The following CLMN variants were observed in gnomAD, a reference collection of about 807,000 sequenced individuals.
CLMN encodes the protein calmin, also known as calmin (calponin-like, transmembrane).
A neutral mutation model predicts 92.7 loss-of-function variants in CLMN; 57 were observed. That is an observed-to-expected ratio of 0.61 (90% CI 0.50 to 0.77). CLMN has a LOEUF of 0.77. CLMN is among the 30% of genes least tolerant of loss of function. The pLI is 0.00. For synonymous variants in CLMN, 466 were observed against 470.6 expected (o/e 0.99, Z 0.13); for missense variants, 1,158 against 1,237.5 (o/e 0.94, Z 0.96).
intron 1 of CLMN, among the ~76,000 whole-genome samples, chr14:95,319,231 C>T (rs971527954): frequency 1.3e-5 from 2 of 152,056 alleles, no homozygotes; most frequent in Non-Finnish European, 2.9e-5. Context: ...CCGCTTTCCC[C>T]AACTCACCCC....
intron 8 of CLMN, among the ~76,000 whole-genome samples, chr14:95,205,395 G>C (rs35034544): frequency 0.11 from 16,871 of 152,196 alleles, 1,479 homozygotes; most frequent in African/African-American, 0.23. Flanking sequence ...GAATTCACAA[G>C]CAAAGGCTCT....
Position 95,188,097 on chromosome 14 carries a change from G to A in CLMN, c.*3467C>T, listed in dbSNP as rs1321866433. The A allele has an allele frequency of 6.6e-6, 1 of 152,212 alleles. No homozygotes were observed. The highest frequency in any genetic ancestry group is 2.4e-5 in the African/African-American group (1 of 41,460). 9.4% of individuals were successfully genotyped at this position (152,212 alleles called of 1,614,324 possible). On this transcript the variant is annotated 3_prime_UTR_variant, in exon 13 of 13. Transcript: ENST00000298912. ...GACAGGCAGTGTTCTCCAATGATGA[G>A]TCCAGGTGCCCACCTGGTGACCCTA... is the stretch of plus-strand genomic sequence containing the variant.
At chr14:95,214,042 A>G (rs1027092656) in intron 5 of CLMN, among the ~76,000 whole-genome samples, 3 of 151,784 alleles carry the variant, frequency 2.0e-5, no homozygotes, top group African/African-American at 7.3e-5. Flanking sequence ...AGTTTTCCTT[A>G]CTGCACTCCC....
At chr14:95,233,979 G>A (rs1272663886) in intron 1 of CLMN, among the ~76,000 whole-genome samples, 1 of 152,208 alleles carries the variant, frequency 6.6e-6, no homozygotes, top group Non-Finnish European at 1.5e-5. Context: ...GTCCCAAACT[G>A]AAGCAGAGTG....
intron 1 of CLMN, among the ~76,000 whole-genome samples, chr14:95,231,895 T>G (rs1166858193): frequency 6.6e-6 from 1 of 152,250 alleles, no homozygotes; most frequent in African/African-American, 2.4e-5. Flanking sequence ...TTACATGGAT[T>G]AACTAATTTA....
At chr14:95,260,018 TC>T (rs1229234671) in intron 1 of CLMN, among the ~76,000 whole-genome samples, 1 of 152,184 alleles carries the variant, frequency 6.6e-6, no homozygotes, top group Non-Finnish European at 1.5e-5. Context: ...GGGTGGCACT[TC>T]CTTTCCACTC....
At chr14:95,264,337 T>C (rs530682548) in intron 1 of CLMN, among the ~76,000 whole-genome samples, 2 of 152,220 alleles carry the variant, frequency 1.3e-5, no homozygotes, top group South Asian at 2.1e-4. Flanking sequence ...GCCGGACCCC[T>C]GCATCTTATT....
rs759135132 is a variant in CLMN at position 95,203,143 on chromosome 14, G to A, written c.2206C>T (p.Leu736=). Residue 736 remains leucine, a synonymous_variant, in exon 9 of 13, where the codon CTG becomes TTG. Coordinates refer to ENST00000298912, the MANE Select transcript of CLMN (RefSeq NM_024734.4). ...ACATAAGCCTCCAAAACTGCAGCCAGGGGAACCTCATAGTGTGGGAAATAG... is the reference window on the plus strand; with the variant it reads ...ACATAAGCCTCCAAAACTGCAGCCAAGGGAACCTCATAGTGTGGGAAATAG... ...LFYFPHYEVP[L]AAVLEAYVED... The A allele has an allele frequency of 6.2e-7, 1 of 1,612,770 alleles. No individual in the cohort carries two copies. The highest frequency in any genetic ancestry group is 1.7e-5 in the Admixed American group (1 of 60,030).
Position 95,194,575 on chromosome 14 carries a change from G to A in CLMN, c.2730C>T (p.Ser910=), listed in dbSNP as rs1448895109. 6.2e-7 allele frequency: 1 copy of A among 1,614,200 alleles called. No homozygotes were observed. The highest frequency in any genetic ancestry group is 1.3e-5 in the African/African-American group (1 of 75,052). ...TATGAGTATGTCGTCGAAGGTAAATGCTGGAGTCACTGTGACTAGTCCTGA... is the reference window on the plus strand; with the variant it reads ...TATGAGTATGTCGTCGAAGGTAAATACTGGAGTCACTGTGACTAGTCCTGA... The part of the protein sequence containing the change: ...IPSRTSHSDS[S]IYLRRHTHRS... Residue 910 remains serine, a synonymous_variant, in exon 11 of 13, where the codon AGC becomes AGT. Coordinates refer to ENST00000298912, the MANE Select transcript of CLMN (RefSeq NM_024734.4). This position sits in a 1 kb window ranked among gnomAD's most constrained non-coding sequence, Gnocchi z 4.0.
chr14:95,246,656 G>A (rs543469656), intron 1 of CLMN, among the ~76,000 whole-genome samples: 3 of 152,160 alleles, frequency 2.0e-5, no homozygotes, highest in South Asian at 4.2e-4. Context: ...TTTGGTAGAG[G>A]TGGGGTTTCA....
chr14:95,222,176 C>G (rs963527125), intron 3 of CLMN, among the ~76,000 whole-genome samples: 1 of 152,184 alleles, frequency 6.6e-6, no homozygotes, highest in Non-Finnish European at 1.5e-5. Context: ...TTTGTTAGGA[C>G]AGGGAGCACT....
In CLMN at chr14:95,256,590, G is replaced by A. The variant is rs960367137; in HGVS notation, c.83-26457C>T. Among the ~76,000 whole-genome samples the A allele has an allele frequency of 5.3e-5, 8 of 152,240 alleles. No homozygotes were observed. Among genetic ancestry groups the A allele is most frequent in the African/African-American group, 1.7e-4 (7 of 41,528 alleles). On this transcript the variant is annotated intron_variant, in intron 1 of 12. Coordinates refer to ENST00000298912, the MANE Select transcript of CLMN (RefSeq NM_024734.4). This position sits in a 1 kb window ranked among gnomAD's most constrained non-coding sequence, Gnocchi z 4.9. ...GAGTGTGGCTCTGCACAACCGCCTC[G>A]TCAATACCCATCCCACGTGGAACTG... is the stretch of plus-strand genomic sequence containing the variant.
intron 1 of CLMN, among the ~76,000 whole-genome samples, chr14:95,301,981 T>C (rs1746099681): frequency 6.6e-6 from 1 of 152,170 alleles, no homozygotes; most frequent in African/African-American, 2.4e-5. Context: ...CTCATTCAGT[T>C]GGGCCACCAC....
intron 1 of CLMN, among the ~76,000 whole-genome samples, chr14:95,307,223 G>T (rs1420246815): frequency 1.3e-5 from 2 of 152,154 alleles, no homozygotes; most frequent in South Asian, 2.1e-4. Flanking sequence ...ATCCAACTCT[G>T]CCAAACCCAG....
At chr14:95,233,825 G>C (rs1022660554) in intron 1 of CLMN, among the ~76,000 whole-genome samples, 75 of 152,196 alleles carry the variant, frequency 4.9e-4, no homozygotes, top group African/African-American at 1.8e-3. Flanking sequence ...CAACCCCTCT[G>C]GGTGGTTTCA....
At chr14:95,298,231 AT>A (rs1299059925) in intron 1 of CLMN, among the ~76,000 whole-genome samples, 1 of 150,842 alleles carries the variant, frequency 6.6e-6, no homozygotes, top group African/African-American at 2.4e-5. Flanking sequence ...CCCCCAATAG[AT>A]TTTATACCCC....
At chr14:95,319,556 G>C (rs1159189161) in intron 1 of CLMN, among the ~76,000 whole-genome samples, 155 bp downstream of exon 1, 7 of 152,114 alleles carry the variant, frequency 4.6e-5, no homozygotes, top group African/African-American at 1.4e-4. Flanking sequence ...GCTTGGGGGC[G>C]GGTATCCAAC....
At position 95,294,541 on chromosome 14, in the gene CLMN, C is replaced by A. The variant is rs545106337; in HGVS notation, c.82+25170G>T. 6.6e-6 allele frequency among the ~76,000 whole-genome samples: 1 copy of A among 152,362 alleles called. No homozygotes were observed. Among genetic ancestry groups the A allele is most frequent in the East Asian group, 1.9e-4 (1 of 5,192 alleles). Reference sequence around the variant, plus strand: ...CACATTCCGGCTCCCCCTCCCTCACCTGTCCCTTCCGAGTCACATGATCTT... The same window carrying A: ...CACATTCCGGCTCCCCCTCCCTCACATGTCCCTTCCGAGTCACATGATCTT... On this transcript the variant is annotated intron_variant, in intron 1 of 12. Coordinates refer to ENST00000298912, the MANE Select transcript of CLMN (RefSeq NM_024734.4). The surrounding 1 kb of genome is among the most constrained non-coding windows in gnomAD (Gnocchi z 4.2).
intron 1 of CLMN, among the ~76,000 whole-genome samples, chr14:95,270,620 G>C (rs1379427360): frequency 6.6e-6 from 1 of 152,136 alleles, no homozygotes; most frequent in African/African-American, 2.4e-5. Flanking sequence ...TTTATCCATG[G>C]AACAGCATGC....
Sources: allele counts gnomAD v4.1 joint callset (sites outside exome capture counted in the v4.1 genomes callset), GRCh38; gene constraint gnomAD v4.1.1; non-coding constraint Gnocchi (gnomAD v3.1); transcripts MANE v1.5; gene names NCBI Gene and HGNC (gene_info 2026-07-23, HGNC 2026-07-21).